PICALM: variants seen among roughly 807,000 people sequenced by gnomAD.
The protein encoded by PICALM is phosphatidylinositol-binding clathrin assembly protein.
PICALM carries 40 observed loss-of-function variants against 80.5 expected under a neutral mutation model. The observed-to-expected ratio is 0.50, with a 90% CI of 0.39 to 0.65. The LOEUF (loss-of-function observed/expected upper bound fraction) is 0.65, where lower values mean the gene tolerates loss of function less well. Ranked by LOEUF, PICALM falls within the 30% of genes least tolerant of loss-of-function variation. The pLI is 0.00. For synonymous variants in PICALM, 288 were observed against 260.3 expected (o/e 1.11, Z -1.02); for missense variants, 676 against 778.9 (o/e 0.87, Z 1.57).
chr11:86,041,274 T>C (rs995487886), intron 1 of PICALM, among the ~76,000 whole-genome samples: 5 of 152,200 alleles, frequency 3.3e-5, no homozygotes, highest in African/African-American at 9.7e-5. Flanking sequence ...CAATATTCTA[T>C]TTAGTCTAAG....
intron 19 of PICALM, 68 bp downstream of exon 19, chr11:85,974,640 A>T (rs565427045): frequency 1.0e-6 from 1 of 1,001,508 alleles, no homozygotes; most frequent in Admixed American, 1.7e-5. Flanking sequence ...GTTGTACAAA[A>T]GGGTTTTATA....
chr11:86,036,966 G>A (rs1208496414), intron 1 of PICALM, among the ~76,000 whole-genome samples: 2 of 60,594 alleles, frequency 3.3e-5, no homozygotes, highest in Admixed American at 1.4e-4. Context: ...AATTTTTTTT[G>A]AGATGGAGTC....
intron 3 of PICALM, among the ~76,000 whole-genome samples, chr11:86,024,079 C>A (rs796464656): frequency 6.6e-6 from 1 of 151,980 alleles, no homozygotes; most frequent in East Asian, 1.9e-4. Flanking sequence ...CAGTGAGCTA[C>A]GATCATACCA....
chr11:85,962,776 T>G (rs936660839), intron 19 of PICALM, among the ~76,000 whole-genome samples: 6 of 152,160 alleles, frequency 3.9e-5, no homozygotes, highest in Non-Finnish European at 8.8e-5. Context: ...TTTCTTATCA[T>G]CAATATCTGT....
intron 1 of PICALM, among the ~76,000 whole-genome samples, chr11:86,067,879 C>G (rs1335921480): frequency 6.6e-6 from 1 of 152,134 alleles, no homozygotes; most frequent in Non-Finnish European, 1.5e-5. Flanking sequence ...ATGGACAACA[C>G]AACGATTAAA....
chr11:85,972,551 G>A (rs1055193325), intron 19 of PICALM, among the ~76,000 whole-genome samples: 2 of 152,290 alleles, frequency 1.3e-5, no homozygotes, highest in Admixed American at 1.3e-4. Context: ...AAATTGTCTG[G>A]TAGTATCCAA....
intron 9 of PICALM, 92 bp downstream of exon 9, chr11:86,003,274 T>C (rs1255087949): frequency 1.1e-5 from 7 of 622,502 alleles, no homozygotes; most frequent in Admixed American, 5.0e-5. Flanking sequence ...AATCAAGATA[T>C]AGAGAAATTA....
At chr11:86,001,721 T>G (rs562313509) in intron 9 of PICALM, among the ~76,000 whole-genome samples, 38 of 152,368 alleles carry the variant, frequency 2.5e-4, no homozygotes, top group South Asian at 2.3e-3. Context: ...TTCTATGTGC[T>G]GCCCTTTTGC....
intron 3 of PICALM, 101 bp downstream of exon 3, chr11:86,026,191 T>C: frequency 1.5e-6 from 1 of 675,854 alleles, no homozygotes; most frequent in South Asian, 1.8e-5. Flanking sequence ...AAATATAAGG[T>C]TTAAAGTAGC....
chr11:86,046,569 C>T (rs2096074358), intron 1 of PICALM, among the ~76,000 whole-genome samples: 1 of 152,144 alleles, frequency 6.6e-6, no homozygotes, highest in Admixed American at 6.5e-5. Flanking sequence ...CTTTCCAATA[C>T]ACTGTCATGA....
intron 1 of PICALM, among the ~76,000 whole-genome samples, chr11:86,064,555 G>A (rs1420383394): frequency 6.7e-6 from 1 of 149,462 alleles, no homozygotes; most frequent in Non-Finnish European, 1.5e-5. Flanking sequence ...CAGGTACTCA[G>A]AAAGATTGTC....
intron 4 of PICALM, among the ~76,000 whole-genome samples, chr11:86,017,433 A>G (rs553141): frequency 0.43 from 66,045 of 151,978 alleles, 14,537 homozygotes; most frequent in East Asian, 0.6. Flanking sequence ...GCTTTTAACA[A>G]TGTTAAAAAA....
At chr11:85,969,667 T>G (rs1316339141) in intron 19 of PICALM, 3 of 422,876 alleles carry the variant, frequency 7.1e-6, no homozygotes, top group East Asian at 1.5e-4. Context: ...CCTTATCTAG[T>G]TCAAAGATAA....
At chr11:86,030,367 C>T (rs188503985) in intron 2 of PICALM, among the ~76,000 whole-genome samples, 119 of 152,164 alleles carry the variant, frequency 7.8e-4, no homozygotes, top group African/African-American at 2.8e-3. Context: ...ACTGAAAAGC[C>T]CAAAATAACA....
chr11:86,022,658 G>C (rs975393212), intron 3 of PICALM, among the ~76,000 whole-genome samples, 189 bp from the exon 4 acceptor site: 52 of 151,324 alleles, frequency 3.4e-4, no homozygotes, highest in African/African-American at 2.7e-4. Context: ...TTCTCTTAAG[G>C]CTTCATATTT....
intron 1 of PICALM, among the ~76,000 whole-genome samples, chr11:86,047,260 T>C (rs1183679901): frequency 1.3e-5 from 2 of 152,244 alleles, no homozygotes; most frequent in Non-Finnish European, 2.9e-5. Flanking sequence ...TTGTGTTTAG[T>C]TCTCACAAAT....
chr11:86,067,340 T>C (rs1281260906), intron 1 of PICALM, among the ~76,000 whole-genome samples: 4 of 152,194 alleles, frequency 2.6e-5, no homozygotes, highest in Non-Finnish European at 5.9e-5. Flanking sequence ...TGTCCAGTCA[T>C]TTAAAAAGGG....
intron 19 of PICALM, among the ~76,000 whole-genome samples, chr11:85,973,639 C>T (rs1258036421): frequency 6.6e-6 from 1 of 152,028 alleles, no homozygotes; most frequent in African/African-American, 2.4e-5. Flanking sequence ...TGGAACATAT[C>T]CCCCAAAGAG....
At chr11:86,043,604 G>A (rs1315021931) in intron 1 of PICALM, among the ~76,000 whole-genome samples, 3 of 152,048 alleles carry the variant, frequency 2.0e-5, no homozygotes, top group Non-Finnish European at 4.4e-5. Flanking sequence ...CTGTCTCTTT[G>A]TATCTTCCAC....
Sources: allele counts gnomAD v4.1 joint callset (sites outside exome capture counted in the v4.1 genomes callset), GRCh38; gene constraint gnomAD v4.1.1; transcripts MANE v1.5; gene names NCBI Gene and HGNC (gene_info 2026-07-23, HGNC 2026-07-21).